The following CERS6 variants were observed in gnomAD, a reference collection of about 807,000 sequenced individuals.
CERS6 encodes the protein LAG1 homolog, ceramide synthase 6.
Under a neutral mutation model 56.8 loss-of-function variants are expected in CERS6, and 26 were observed. The observed-to-expected ratio is 0.46, with a 90% CI of 0.34 to 0.63. CERS6 has a LOEUF of 0.63. Among genes scored for constraint, CERS6 ranks in the 30% least tolerant of loss-of-function variants. The pLI is 0.01. For synonymous variants in CERS6, 164 were observed against 173.3 expected (o/e 0.95, Z 0.42); for missense variants, 415 against 467.5 (o/e 0.89, Z 1.04).
At chr2:168,580,317 T>A (rs1207913473) in intron 3 of CERS6, among the ~76,000 whole-genome samples, 2 of 152,238 alleles carry the variant, frequency 1.3e-5, no homozygotes, top group Non-Finnish European at 2.9e-5. Context: ...TTTCTTGACT[T>A]GATTCCATTT....
intron 2 of CERS6, among the ~76,000 whole-genome samples, chr2:168,549,620 C>G (rs1695529999): frequency 6.6e-6 from 1 of 152,164 alleles, no homozygotes; most frequent in South Asian, 2.1e-4. Context: ...GGCAATGGAG[C>G]AAGACTCTGT....
intron 6 of CERS6, among the ~76,000 whole-genome samples, chr2:168,707,817 A>G (rs1255738908): frequency 2.0e-5 from 3 of 152,068 alleles, no homozygotes; most frequent in East Asian, 1.9e-4. Context: ...ACCCTACACA[A>G]TTTTTTAGTC....
At chr2:168,763,578 A>G (rs1684643134) in intron 8 of CERS6, among the ~76,000 whole-genome samples, 1 of 151,746 alleles carries the variant, frequency 6.6e-6, no homozygotes, top group Non-Finnish European at 1.5e-5. Context: ...TTTCTTTTCT[A>G]ATTCACAAAG....
intron 4 of CERS6, among the ~76,000 whole-genome samples, chr2:168,676,515 C>A (rs748933576): frequency 3.3e-5 from 5 of 152,080 alleles, no homozygotes; most frequent in African/African-American, 4.8e-5. Flanking sequence ...ACATGTTTTC[C>A]AAAATACTAA....
intron 2 of CERS6, among the ~76,000 whole-genome samples, chr2:168,548,530 A>G (rs1263080419): frequency 6.6e-6 from 1 of 152,246 alleles, no homozygotes; most frequent in Non-Finnish European, 1.5e-5. Flanking sequence ...GAGAAATACA[A>G]CATTCTATGA....
intron 1 of CERS6, among the ~76,000 whole-genome samples, chr2:168,460,913 G>C (rs77001493): frequency 0.056 from 8,498 of 152,292 alleles, 342 homozygotes; most frequent in East Asian, 0.18. Flanking sequence ...TGTCTGGCCA[G>C]CAGGCTTTTT....
chr2:168,534,682 C>T (rs1401310099), intron 1 of CERS6, among the ~76,000 whole-genome samples: 2 of 152,166 alleles, frequency 1.3e-5, no homozygotes, highest in Non-Finnish European at 2.9e-5. Flanking sequence ...CTGACAACCC[C>T]TGTTGGACGG....
At chr2:168,480,684 G>C (rs1358267994) in intron 1 of CERS6, among the ~76,000 whole-genome samples, 1 of 152,238 alleles carries the variant, frequency 6.6e-6, no homozygotes, top group East Asian at 1.9e-4. Flanking sequence ...GTAGGAAAAA[G>C]AACATATGAG....
chr2:168,747,764 T>A (rs571304656), intron 8 of CERS6, among the ~76,000 whole-genome samples: 2 of 152,228 alleles, frequency 1.3e-5, no homozygotes, highest in African/African-American at 2.4e-5. Context: ...ACAGTAAATA[T>A]GCATATACCC....
intron 1 of CERS6, among the ~76,000 whole-genome samples, chr2:168,482,280 A>C (rs1694189787): frequency 6.6e-6 from 1 of 152,250 alleles, no homozygotes; most frequent in South Asian, 2.1e-4. Flanking sequence ...CTGGATTAAA[A>C]TCAGTTATGG....
rs147317858 is a variant in CERS6 at position 168,623,471 on chromosome 2, GA to G, written c.408-7505del. On this transcript the variant is annotated intron_variant, in intron 3 of 9. Transcript: ENST00000305747. ...TTTCAGTTATACCTCAGTAAAGCAG[GA>G]AAAAAAAATGCCGTGTTACAATCTT... 4.8e-3 allele frequency among the ~76,000 whole-genome samples: 722 copies of G among 150,926 alleles called. 13 individuals carry two copies. The highest frequency in any genetic ancestry group is 4.8e-3 in the South Asian group (23 of 4,800).
chr2:168,576,177 C>T (rs1283977885), intron 3 of CERS6, among the ~76,000 whole-genome samples: 1 of 152,076 alleles, frequency 6.6e-6, no homozygotes, highest in Non-Finnish European at 1.5e-5. Flanking sequence ...CCTCCTACCC[C>T]CATTCTCTTT....
chr2:168,544,633 A>G (rs1695430401), intron 1 of CERS6, among the ~76,000 whole-genome samples: 1 of 152,136 alleles, frequency 6.6e-6, no homozygotes, highest in East Asian at 1.9e-4. Flanking sequence ...GGATGAGCTT[A>G]GACCCCGATC....
In CERS6 at chr2:168,645,089, T is replaced by TAAAAAAAAAAAAA. The variant is rs1559033928; in HGVS notation, c.465+14047_465+14048insAAAAAAAAAAAAA. ...CTGGGTGACAGAGCGAGACTGCATCTTAAAAAAAAAAAAAAAAAAAAAAAA... is the reference window on the plus strand; with the variant it reads ...CTGGGTGACAGAGCGAGACTGCATCTAAAAAAAAAAAAATAAAAAAAAAAAAAAAAAAAAAAAA... On this transcript the variant is annotated intron_variant, in intron 4 of 9. Coordinates refer to ENST00000305747, the MANE Select transcript of CERS6 (RefSeq NM_203463.3). Among the ~76,000 whole-genome samples the TAAAAAAAAAAAAA allele has an allele frequency of 1.9e-4, 2 of 10,312 alleles. 1 individual carries two copies. Among genetic ancestry groups the TAAAAAAAAAAAAA allele is most frequent in the Admixed American group, 3.6e-3 (2 of 558 alleles). The allele number at this position is 10,312 out of a possible 152,430, so 6.8% of individuals were successfully genotyped here.
Position 168,691,036 on chromosome 2 carries a change from C to T in CERS6, c.468C>T (p.Thr156=), listed in dbSNP as rs1202171011. 2 of 1,612,520 alleles carry T rather than the reference C, an allele frequency of 1.2e-6. No individual in the cohort carries two copies. Among genetic ancestry groups the T allele is most frequent in the Non-Finnish European group, 1.7e-6 (2 of 1,178,938 alleles). The change falls in exon 5 of 10, where the codon ACC becomes ACT. Residue 156 remains threonine (T), a splice_region_variant and synonymous_variant. Transcript: ENST00000305747. ...FTYGVRFLKK[T]PWLWNTRHCW... ...ATATTTTTTGTCATTTTTTTCAGAC[C>T]CCCTGGTTGTGGAATACGAGGCATT...
chr2:168,672,957 G>A (rs1441867397), intron 4 of CERS6, among the ~76,000 whole-genome samples: 1 of 152,132 alleles, frequency 6.6e-6, no homozygotes, highest in African/African-American at 2.4e-5. Context: ...GGAACTCAAA[G>A]GATAATTTCT....
chr2:168,513,485 G>T (rs1464026043), intron 1 of CERS6, among the ~76,000 whole-genome samples: 2 of 152,110 alleles, frequency 1.3e-5, no homozygotes, highest in Non-Finnish European at 2.9e-5. Context: ...AAGAGTTCTG[G>T]TCAGGTATTT....
chr2:168,456,725 A>T lies in CERS6; in HGVS notation c.170+107A>T. On this transcript the variant is annotated intron_variant, in intron 1 of 9. Transcript: ENST00000305747. This position sits in a 1 kb window ranked among gnomAD's most constrained non-coding sequence, Gnocchi z 4.1. ...CCCCGCGCCCCCAACGCTCGCGTTC[A>T]CGCCTCCCAACCTTTGTGTTCGGGG... 9.4e-7 allele frequency: 1 copy of T among 1,066,696 alleles called. No homozygotes were observed. Among genetic ancestry groups the T allele is most frequent in the South Asian group, 1.5e-5 (1 of 67,552 alleles). 66.1% of individuals were successfully genotyped at this position (1,066,696 alleles called of 1,614,324 possible).
chr2:168,714,486 A>T (rs1294413393), intron 6 of CERS6, among the ~76,000 whole-genome samples: 2 of 152,248 alleles, frequency 1.3e-5, no homozygotes, highest in Non-Finnish European at 2.9e-5. Context: ...GAAGTGGTCC[A>T]GTTAAACCTG....
Sources: gnomAD v4.1 joint callset for allele counts (sites outside exome capture counted in the v4.1 genomes callset) on GRCh38, gnomAD v4.1.1 for gene constraint, Gnocchi (gnomAD v3.1) non-coding constraint, MANE v1.5 for transcripts, NCBI Gene and HGNC (gene_info 2026-07-23, HGNC 2026-07-21) for gene names.